PLCE1: variants seen among roughly 807,000 people sequenced by gnomAD.
The protein encoded by PLCE1 is phospholipase C epsilon 1, also known as 1-phosphatidylinositol 4,5-bisphosphate phosphodiesterase epsilon-1.
PLCE1 carries 119 observed loss-of-function variants against 242.8 expected under a neutral mutation model. The observed-to-expected ratio is 0.49, with a 90% CI of 0.42 to 0.57. The LOEUF (loss-of-function observed/expected upper bound fraction) is 0.57. PLCE1 is among the 20% of genes least tolerant of loss of function. PLCE1 has a pLI of 0.00. For synonymous variants in PLCE1, 945 were observed against 1,017.4 expected, an observed-to-expected ratio of 0.93 and a Z score of 1.35; for missense variants, 2,441 against 2,788.8, an observed-to-expected ratio of 0.88 and a Z score of 2.81.
intron 3 of PLCE1, among the ~76,000 whole-genome samples, chr10:94,156,683 TC>T (rs1200968495): frequency 6.6e-6 from 1 of 152,092 alleles, no homozygotes; most frequent in Non-Finnish European, 1.5e-5. Flanking sequence ...TCAGTTCCTT[TC>T]CCCTCCCTAG....
At chr10:94,083,200 T>C (rs1293600076) in intron 2 of PLCE1, among the ~76,000 whole-genome samples, 1 of 152,158 alleles carries the variant, frequency 6.6e-6, no homozygotes, top group Non-Finnish European at 1.5e-5. Context: ...GCCCATAACA[T>C]ATGTTCCGTA....
chr10:94,324,373 T>C lies in PLCE1; in HGVS notation c.6526T>C (p.Tyr2176His). Reference sequence around the variant, plus strand: ...GACCTTATGCAAAGCCAAATATTCCTACAGCATCCTGAGCAACCCCAATCC... The same window carrying C: ...GACCTTATGCAAAGCCAAATATTCCCACAGCATCCTGAGCAACCCCAATCC... ...QQTLCKAKYS[Y>H]SILSNPNPSD... The change falls in exon 31 of 33, where the codon TAC becomes CAC. Residue 2176 changes from tyrosine (Y) to histidine (H), a missense_variant. Physicochemically the swap from Tyr to His is moderately conservative, Grantham distance 83 (BLOSUM62 2). This residue lies in a region of PLCE1 where 310 missense variants were observed against 317.2 expected (regional missense o/e 0.98). Coordinates refer to ENST00000371380, the MANE Select transcript of PLCE1 (RefSeq NM_016341.4). The C allele has an allele frequency of 6.2e-7, 1 of 1,614,134 alleles. No homozygotes were observed. Among genetic ancestry groups the C allele is most frequent in the Non-Finnish European group, 8.5e-7 (1 of 1,179,976 alleles).
intron 7 of PLCE1, among the ~76,000 whole-genome samples, chr10:94,245,550 G>A (rs1033024693): frequency 2.0e-5 from 3 of 152,064 alleles, no homozygotes; most frequent in Non-Finnish European, 2.9e-5. Flanking sequence ...GCAGTGGCAC[G>A]ATCGCAGCTC....
At chr10:94,230,952 C>T (rs74231352) in intron 5 of PLCE1, among the ~76,000 whole-genome samples, 2,136 of 152,236 alleles carry the variant, frequency 0.014, 23 homozygotes, top group South Asian at 0.039. Flanking sequence ...ACACATAATA[C>T]ATGAATCTAT....
intron 18 of PLCE1, 26 bp downstream of exon 18, chr10:94,270,628 T>C: frequency 7.6e-7 from 1 of 1,312,636 alleles, no homozygotes; most frequent in Non-Finnish European, 1.1e-6. Context: ...AAAGGCAGGA[T>C]GGTATGTTGG....
At chr10:94,028,071 T>C (rs1285001755) in intron 1 of PLCE1, among the ~76,000 whole-genome samples, 2 of 152,188 alleles carry the variant, frequency 1.3e-5, no homozygotes, top group Non-Finnish European at 2.9e-5. Context: ...TAGCTTTTCT[T>C]TGCTTTGGTT....
At chr10:94,264,585 G>T (rs374974959) in intron 14 of PLCE1, among the ~76,000 whole-genome samples, 2 of 141,930 alleles carry the variant, frequency 1.4e-5, no homozygotes, top group Non-Finnish European at 3.0e-5. Context: ...GCAGTGGCGC[G>T]ATCTTTGTTC....
At chr10:94,201,858 C>T (rs1039524572) in intron 4 of PLCE1, among the ~76,000 whole-genome samples, 1 of 152,114 alleles carries the variant, frequency 6.6e-6, no homozygotes, top group Non-Finnish European at 1.5e-5. Flanking sequence ...TTTTTAATTG[C>T]TGTTCATTGA....
At chr10:94,122,137 A>G (rs2046318735) in intron 2 of PLCE1, among the ~76,000 whole-genome samples, 1 of 152,206 alleles carries the variant, frequency 6.6e-6, no homozygotes, top group African/African-American at 2.4e-5. Context: ...TGCACAGCTT[A>G]GCGAGAACAT....
intron 2 of PLCE1, among the ~76,000 whole-genome samples, chr10:94,088,715 C>T (rs1184462896): frequency 6.6e-6 from 1 of 152,178 alleles, no homozygotes; most frequent in Non-Finnish European, 1.5e-5. Flanking sequence ...TTATTATTCC[C>T]TTGATACTGG....
At chr10:94,026,738 G>C (rs1296298744) in intron 1 of PLCE1, among the ~76,000 whole-genome samples, 1 of 152,140 alleles carries the variant, frequency 6.6e-6, no homozygotes, top group Non-Finnish European at 1.5e-5. Context: ...AATCAGCTCA[G>C]GATCATGCAG....
intron 4 of PLCE1, among the ~76,000 whole-genome samples, chr10:94,174,044 C>T (rs1776946): frequency 0.65 from 98,667 of 152,106 alleles, 35,682 homozygotes; most frequent in Non-Finnish European, 0.8. Context: ...CATGGCTTTA[C>T]ATACTGTAAA....
At chr10:94,166,017 A>G (rs1423979055) in intron 3 of PLCE1, among the ~76,000 whole-genome samples, 2 of 152,064 alleles carry the variant, frequency 1.3e-5, no homozygotes, top group African/African-American at 2.4e-5. Context: ...ATTTTGATCT[A>G]TTTTCAAAAG....
chr10:94,160,085 A>G lies in PLCE1; in HGVS notation c.1493-11095A>G, dbSNP rs28862104. ...ATAGTGCCACAATAAACATACGTGT[A>G]CATGTGTCTTTATAGCAGCATGATT... On this transcript the variant is annotated intron_variant, in intron 3 of 32. Coordinates refer to ENST00000371380, the MANE Select transcript of PLCE1 (RefSeq NM_016341.4). 2.0e-5 allele frequency among the ~76,000 whole-genome samples: 3 copies of G among 152,260 alleles called. No individual in the cohort carries two copies. The South Asian group carries it at 6.2e-4, about 32-fold the overall frequency.
At chr10:94,262,861 G>GGT (rs1564840954) in intron 14 of PLCE1, 129 bp downstream of exon 14, 1 of 598,718 alleles carries the variant, frequency 1.7e-6, no homozygotes. Context: ...ATACAGTTTT[G>GGT]TTTTTTTTTT....
intron 2 of PLCE1, among the ~76,000 whole-genome samples, chr10:94,083,072 T>C (rs1342962825): frequency 6.6e-6 from 1 of 152,286 alleles, no homozygotes; most frequent in Non-Finnish European, 1.5e-5. Flanking sequence ...GCAACCAAGC[T>C]CCTGATAAGA....
chr10:94,158,854 C>CTT lies in PLCE1; in HGVS notation c.1493-12308_1493-12307dup, dbSNP rs35760715. ...TATTTTAAATTTTCTTCTTCTTTTTCTTTTTTTTTTTTTTTTTTTGAGACG... is the reference window on the plus strand; with the variant it reads ...TATTTTAAATTTTCTTCTTCTTTTTCTTTTTTTTTTTTTTTTTTTTTGAGACG... On this transcript the variant is annotated intron_variant, in intron 3 of 32. Coordinates refer to ENST00000371380, the MANE Select transcript of PLCE1 (RefSeq NM_016341.4). 8.5e-4 allele frequency among the ~76,000 whole-genome samples: 95 copies of CTT among 111,566 alleles called. 3 individuals are homozygous for CTT. The highest frequency in any genetic ancestry group is 6.5e-3 in the Middle Eastern group (1 of 154). 73.2% of individuals were successfully genotyped at this position (111,566 alleles called of 152,430 possible). A position where few individuals can be genotyped will look rare whatever the true frequency, so the allele number is the denominator to read the frequency against.
At chr10:94,262,117 C>T (rs2051321583) in intron 13 of PLCE1, among the ~76,000 whole-genome samples, 1 of 151,744 alleles carries the variant, frequency 6.6e-6, no homozygotes, top group African/African-American at 2.4e-5. Context: ...TCTTATGCCT[C>T]AGCCTCCCGA....
chr10:94,275,103 GCA>G (rs2051892964), intron 19 of PLCE1, among the ~76,000 whole-genome samples: 1 of 152,140 alleles, frequency 6.6e-6, no homozygotes, highest in East Asian at 1.9e-4. Flanking sequence ...TCCATTCTGT[GCA>G]CAGTCATTTG....
Sources: allele counts gnomAD v4.1 joint callset (sites outside exome capture counted in the v4.1 genomes callset), GRCh38; gene constraint gnomAD v4.1.1; regional missense constraint gnomAD v4.1.1; transcripts MANE v1.5; gene names NCBI Gene and HGNC (gene_info 2026-07-23, HGNC 2026-07-21).